The following ALG1L2 variants were observed in gnomAD, a reference collection of about 807,000 sequenced individuals.
ALG1L2 encodes ALG1 chitobiosyldiphosphodolichol beta-mannosyltransferase like 2, also known as putative glycosyltransferase ALG1L2.
In ALG1L2, 32 loss-of-function variants were observed where a neutral mutation model predicts 29.0. That is an observed-to-expected ratio of 1.10 (90% CI 0.83 to 1.48). ALG1L2 has a LOEUF of 1.48. ALG1L2 is among the 40% of genes most tolerant of loss of function. ALG1L2 has a pLI of 0.00. For missense variants in ALG1L2, 318 were observed against 274.1 expected, an observed-to-expected ratio of 1.16 and a Z score of -1.13; for synonymous variants, 110 against 109.5, an observed-to-expected ratio of 1.00 and a Z score of -0.03.
At chr3:130,084,892 C>A (rs1461449138) in intron 1 of ALG1L2, among the ~76,000 whole-genome samples, 1 of 130,046 alleles carries the variant, frequency 7.7e-6, no homozygotes, top group African/African-American at 2.6e-5. Context: ...TATATCTACA[C>A]ACAAAAATAC....
At chr3:130,097,110 T>C in intron 6 of ALG1L2, 65 bp from the exon 7 acceptor site, 1 of 1,595,514 alleles carries the variant, frequency 6.3e-7, no homozygotes, top group Non-Finnish European at 8.5e-7. Context: ...GGAGCCCAGC[T>C]GGGCACCCCA....
intron 2 of ALG1L2, chr3:130,091,666 C>T (rs1577327964): frequency 5.5e-6 from 3 of 541,308 alleles, no homozygotes; most frequent in Admixed American, 5.9e-5. Context: ...GTTAAAGGGT[C>T]TTACTCTCCT....
chr3:130,085,048 T>A (rs1463959319), intron 1 of ALG1L2, among the ~76,000 whole-genome samples: 1 of 129,554 alleles, frequency 7.7e-6, no homozygotes, highest in Non-Finnish European at 1.8e-5. Flanking sequence ...CACTTCCGCC[T>A]CCCGGGTTCA....
In ALG1L2 at chr3:130,092,169, T is replaced by A; in HGVS notation, c.200T>A (p.Val67Glu). 1.2e-6 allele frequency: 2 copies of A among 1,613,120 alleles called. No homozygotes were observed. The highest frequency in any genetic ancestry group is 1.7e-6 in the Non-Finnish European group (2 of 1,179,724). Residue 67 changes from valine to glutamate, a missense_variant, in exon 3 of 8, where the codon GTG (valine) becomes GAG (glutamate). Val to Glu is a moderately radical substitution (Grantham distance 121). Coordinates refer to ENST00000425059, the MANE Select transcript of ALG1L2 (RefSeq NM_001136152.1). ...GAGCGGGATTCTGGGAGCGGGCTGG[T>A]GACGCGTCTCCACGAGCGGCCAGCC... ...FTERDSGSGLVTRLHERPALL... is the reference protein window; with the variant it reads ...FTERDSGSGLETRLHERPALL...
chr3:130,085,327 C>T (rs1276484319), intron 1 of ALG1L2, among the ~76,000 whole-genome samples: 3 of 123,198 alleles, frequency 2.4e-5, no homozygotes, highest in Non-Finnish European at 5.4e-5. Flanking sequence ...GAACCTTGGC[C>T]TCAAGTGATC....
chr3:130,082,057 G>A, intron 1 of ALG1L2, 21 bp downstream of exon 1: 7 of 1,499,202 alleles, frequency 4.7e-6, no homozygotes, highest in Non-Finnish European at 5.4e-6. Context: ...GGGTGGTGCT[G>A]GTTGGATTGC....
At chr3:130,090,213 G>T (rs541687891) in intron 1 of ALG1L2, among the ~76,000 whole-genome samples, 405 of 151,778 alleles carry the variant, frequency 2.7e-3, no homozygotes, top group Non-Finnish European at 5.1e-3. Context: ...AAAATTAGCT[G>T]GGCTTTGTGG....
chr3:130,084,137 G>A (rs1372177328), intron 1 of ALG1L2, among the ~76,000 whole-genome samples: 1 of 134,490 alleles, frequency 7.4e-6, no homozygotes, highest in Non-Finnish European at 1.7e-5. Flanking sequence ...GGAACTGTGG[G>A]CAGGGATGCT....
At chr3:130,082,348 T>TTGTTTTGTTTTGTTTTGTTA (rs1934805662) in intron 1 of ALG1L2, among the ~76,000 whole-genome samples, 1 of 130,970 alleles carries the variant, frequency 7.6e-6, no homozygotes, top group Non-Finnish European at 1.8e-5. Flanking sequence ...AATCTATGTT[T>TTGTTTTGTTTTGTTTTGTTA]TGTTTTGTTT....
chr3:130,097,508 C>T (rs535024244), intron 7 of ALG1L2, among the ~76,000 whole-genome samples: 26 of 152,286 alleles, frequency 1.7e-4, no homozygotes, highest in African/African-American at 6.0e-4. Flanking sequence ...ATGCTGGAGC[C>T]GGGTGGGCCA....
At chr3:130,091,897 T>C (rs1935021728) in intron 2 of ALG1L2, 1 of 824,574 alleles carries the variant, frequency 1.2e-6, no homozygotes, top group East Asian at 2.7e-5. Flanking sequence ...GTCAGTCTTG[T>C]TTGCTGTTGT....
intron 7 of ALG1L2, 31 bp from the exon 8 acceptor site, chr3:130,098,192 G>T (rs773956288): frequency 6.3e-7 from 1 of 1,596,122 alleles, no homozygotes; most frequent in Non-Finnish European, 8.5e-7. Context: ...ATGGGGTGGG[G>T]ACAGGCAATG....
intron 1 of ALG1L2, among the ~76,000 whole-genome samples, chr3:130,087,518 T>C (rs1934917999): frequency 6.7e-6 from 1 of 149,444 alleles, no homozygotes; most frequent in Admixed American, 6.8e-5. Context: ...AACCGTATTG[T>C]AGCAGGGTTA....
intron 1 of ALG1L2, among the ~76,000 whole-genome samples, chr3:130,085,047 C>A (rs768861363): frequency 2.3e-5 from 3 of 129,470 alleles, no homozygotes; most frequent in Non-Finnish European, 5.3e-5. Context: ...TCACTTCCGC[C>A]TCCCGGGTTC....
intron 5 of ALG1L2, 58 bp from the exon 6 acceptor site, chr3:130,095,991 G>A (rs1452384549): frequency 2.3e-5 from 34 of 1,476,372 alleles, no homozygotes; most frequent in East Asian, 1.4e-4. Context: ...TGTGCTGGGA[G>A]GATTTGTGTT....
intron 1 of ALG1L2, among the ~76,000 whole-genome samples, chr3:130,090,424 C>T (rs1383927200): frequency 6.6e-6 from 1 of 152,276 alleles, no homozygotes; most frequent in Non-Finnish European, 1.5e-5. Context: ...CAGCTTTGGA[C>T]CCTGAATACC....
At chr3:130,082,576 G>C (rs1485692656) in intron 1 of ALG1L2, among the ~76,000 whole-genome samples, 1 of 133,250 alleles carries the variant, frequency 7.5e-6, no homozygotes, top group African/African-American at 2.5e-5. Flanking sequence ...GATCTCAAGT[G>C]ATCTGCCCAC....
intron 7 of ALG1L2, 133 bp downstream of exon 7, chr3:130,097,383 A>T: frequency 7.2e-7 from 1 of 1,398,538 alleles, no homozygotes. Flanking sequence ...GGGAGGGAGC[A>T]GAAGTCACAG....
intron 7 of ALG1L2, 90 bp from the exon 8 acceptor site, chr3:130,098,133 G>A (rs1187606775): frequency 6.5e-7 from 1 of 1,548,774 alleles, no homozygotes. Flanking sequence ...GACTTGGGAG[G>A]GGTTGTTGTT....
Sources: gnomAD v4.1 joint callset for allele counts (sites outside exome capture counted in the v4.1 genomes callset) on GRCh38, gnomAD v4.1.1 for gene constraint, MANE v1.5 for transcripts, NCBI Gene and HGNC (gene_info 2026-07-23, HGNC 2026-07-21) for gene names.